GPHN: variants seen among roughly 807,000 people sequenced by gnomAD.
GPHN encodes gephyrin.
A neutral mutation model predicts 95.5 loss-of-function variants in GPHN; 17 were observed. The observed-to-expected ratio is 0.18, with a 90% CI of 0.12 to 0.27. The LOEUF (loss-of-function observed/expected upper bound fraction) is 0.27, where lower values mean the gene tolerates loss of function less well. Among genes scored for constraint, GPHN ranks in the 10% least tolerant of loss-of-function variants. The pLI, the probability that GPHN is intolerant of heterozygous loss-of-function variation, is 1.00. For missense variants in GPHN, 660 were observed against 978.1 expected, an observed-to-expected ratio of 0.67 and a Z score of 4.34; for synonymous variants, 320 against 322.5, an observed-to-expected ratio of 0.99 and a Z score of 0.08.
At chr14:67,499,546 A>G in the GPHN span, among the ~76,000 whole-genome samples, 1 of 152,254 alleles carries the variant, frequency 6.6e-6, no homozygotes, top group Non-Finnish European at 1.5e-5. Context: ...GATGAAGTCA[A>G]ATAAATAGGT....
chr14:66,535,015 T>C (rs565159943), intron 1 of GPHN, among the ~76,000 whole-genome samples: 1 of 152,224 alleles, frequency 6.6e-6, no homozygotes, highest in Non-Finnish European at 1.5e-5. Context: ...TTTTTATGGT[T>C]TAGTTGGTTT....
intron 1 of GPHN, among the ~76,000 whole-genome samples, chr14:66,550,131 T>G (rs1427935621): frequency 1.3e-5 from 2 of 152,238 alleles, no homozygotes; most frequent in Non-Finnish European, 2.9e-5. Context: ...AAATACATTT[T>G]GAAAGGCTAT....
intron 1 of GPHN, among the ~76,000 whole-genome samples, chr14:66,670,301 G>C (rs2066231764): frequency 6.6e-6 from 1 of 152,146 alleles, no homozygotes; most frequent in Non-Finnish European, 1.5e-5. Flanking sequence ...AAGATGTTTG[G>C]AAGATTTCAT....
chr14:67,653,336 T>C, the GPHN span: 1 of 961,656 alleles, frequency 1.0e-6, no homozygotes, highest in South Asian at 1.4e-5. Flanking sequence ...ATGCGTCAAC[T>C]GCTGAGGTGC....
chr14:66,953,568 T>C (rs575882436), intron 8 of GPHN, among the ~76,000 whole-genome samples: 1 of 152,348 alleles, frequency 6.6e-6, no homozygotes, highest in East Asian at 1.9e-4. Flanking sequence ...TAGCATAATT[T>C]ATTGAAAGAA....
chr14:67,227,243 C>T, the GPHN span, among the ~76,000 whole-genome samples: 13 of 151,682 alleles, frequency 8.6e-5, no homozygotes, highest in Non-Finnish European at 1.9e-4. Flanking sequence ...AGTTCGAGAC[C>T]AGCCTGGCCA....
the GPHN span, among the ~76,000 whole-genome samples, chr14:67,728,707 G>GGGT: frequency 1.7e-4 from 25 of 151,328 alleles, no homozygotes; most frequent in Non-Finnish European, 4.4e-5. Flanking sequence ...ATCTTGTGGG[G>GGGT]GGGGGGTGTT....
At chr14:67,559,762 TG>T in the GPHN span, 1 of 959,340 alleles carries the variant, frequency 1.0e-6, no homozygotes, top group African/African-American at 1.6e-5. Context: ...CGGAGTTTCC[TG>T]CCCCCTACTG....
intron 17 of GPHN, among the ~76,000 whole-genome samples, chr14:67,135,436 C>A (rs1192120501): frequency 6.6e-6 from 1 of 152,180 alleles, no homozygotes; most frequent in East Asian, 1.9e-4. Flanking sequence ...TAACAAGTAT[C>A]ATTCTTCCAT....
At chr14:67,070,715 A>AAATATATAT in intron 11 of GPHN, among the ~76,000 whole-genome samples, 1 of 80,742 alleles carries the variant, frequency 1.2e-5, no homozygotes, top group African/African-American at 1.3e-4. Context: ...AAAAAAAAAA[A>AAATATATAT]ATATATATAT....
chr14:67,168,801 G>A, intron 20 of GPHN, 132 bp from the exon 21 acceptor site: 1 of 711,642 alleles, frequency 1.4e-6, no homozygotes, highest in East Asian at 2.6e-5. Flanking sequence ...TTGGATTCAA[G>A]GTGATTCAGA....
the GPHN span, chr14:67,412,103 G>T: frequency 2.0e-5 from 29 of 1,472,602 alleles, no homozygotes; most frequent in African/African-American, 4.3e-4. Flanking sequence ...CGCCTTCCCC[G>T]CGCCTCGCGC....
the GPHN span, among the ~76,000 whole-genome samples, chr14:67,440,630 T>C: frequency 6.6e-6 from 1 of 152,120 alleles, no homozygotes; most frequent in Non-Finnish European, 1.5e-5. Flanking sequence ...TGCATGTCTG[T>C]AGTCTCAGCT....
At chr14:66,843,134 G>A (rs570184324) in intron 4 of GPHN, among the ~76,000 whole-genome samples, 1 of 152,012 alleles carries the variant, frequency 6.6e-6, no homozygotes, top group East Asian at 1.9e-4. Flanking sequence ...ATTGCCTTTG[G>A]TTTTTGTCTC....
intron 16 of GPHN, among the ~76,000 whole-genome samples, chr14:67,118,448 A>C (rs1016344416): frequency 2.0e-5 from 3 of 152,176 alleles, no homozygotes; most frequent in African/African-American, 7.2e-5. Flanking sequence ...CCCTCGGGCC[A>C]GGCGCGGTGG....
chr14:67,085,614 G>T (rs2076853189), intron 11 of GPHN, among the ~76,000 whole-genome samples: 1 of 152,072 alleles, frequency 6.6e-6, no homozygotes. Context: ...AAGAACTTAG[G>T]GTGTAAAAGT....
chr14:67,091,159 A>G (rs1373525052), intron 12 of GPHN, among the ~76,000 whole-genome samples: 2 of 151,950 alleles, frequency 1.3e-5, no homozygotes, highest in East Asian at 3.8e-4. Context: ...CCACTAATGT[A>G]TTCTTTCTCA....
Position 66,975,372 on chromosome 14 carries a change from C to T in GPHN, c.963+10047C>T, listed in dbSNP as rs143322227. Among the ~76,000 whole-genome samples the T allele has an allele frequency of 2.2e-4, 34 of 152,240 alleles. No homozygotes were observed. The East Asian group carries it at 6.0e-3, about 27-fold the overall frequency. ...TTAGGTCTAAGATTTCTATATTTTA[C>T]ATTGACAGCAGGAATAGATCATTTT... On this transcript the variant is annotated intron_variant, in intron 9 of 22. Transcript: ENST00000478722.
At position 66,916,043 on chromosome 14, in the gene GPHN, C is replaced by T; in HGVS notation, c.430C>T (p.Leu144=). The change falls in exon 6 of 23, where the codon CTG becomes TTG. Residue 144 remains leucine, a synonymous_variant. Transcript: ENST00000478722. ...GIRGKTLIIN[L]PGSKKGSQEC... ...CAGAGGGAAAACGCTCATAATTAACCTGCCAGGTAGCAAGAAAGGATCTCA... is the reference window on the plus strand; with the variant it reads ...CAGAGGGAAAACGCTCATAATTAACTTGCCAGGTAGCAAGAAAGGATCTCA... 1 of 1,602,328 alleles carries T rather than the reference C, an allele frequency of 6.2e-7. No homozygotes were observed.
Sources: gnomAD v4.1 joint callset for allele counts (sites outside exome capture counted in the v4.1 genomes callset) on GRCh38, gnomAD v4.1.1 for gene constraint, MANE v1.5 for transcripts, NCBI Gene and HGNC (gene_info 2026-07-23, HGNC 2026-07-21) for gene names.